Variants in TMEM260 observed in about 807,000 individuals in gnomAD.
TMEM260 encodes transmembrane protein 260.
In TMEM260, 82 loss-of-function variants were observed where a neutral mutation model predicts 88.9. The observed-to-expected ratio is 0.92, with a 90% CI of 0.77 to 1.11. TMEM260 has a LOEUF of 1.11. Among genes scored for constraint, TMEM260 ranks in the 50% least tolerant of loss-of-function variants. The pLI is 0.00. For missense variants in TMEM260, 902 were observed against 853.4 expected (o/e 1.06, Z -0.71); for synonymous variants, 314 against 309.3 (o/e 1.02, Z -0.16).
intron 6 of TMEM260, among the ~76,000 whole-genome samples, chr14:56,610,192 G>A (rs1887165930): frequency 6.6e-6 from 1 of 151,954 alleles, no homozygotes; most frequent in African/African-American, 2.4e-5. Context: ...GATACCTTAT[G>A]ATATTGATGA....
chr14:56,635,325 A>G (rs1181003342), intron 14 of TMEM260, among the ~76,000 whole-genome samples: 1 of 152,190 alleles, frequency 6.6e-6, no homozygotes, highest in Non-Finnish European at 1.5e-5. Flanking sequence ...CCTCGCCTCC[A>G]TTTGTAATGT....
At chr14:56,639,654 T>C (rs1033780688) in intron 15 of TMEM260, among the ~76,000 whole-genome samples, 3 of 152,078 alleles carry the variant, frequency 2.0e-5, no homozygotes, top group Admixed American at 6.6e-5. Flanking sequence ...GTGGGTGCAG[T>C]GCACCATGTG....
In TMEM260 at chr14:56,648,427, G is replaced by A. The variant is rs1890097654; in HGVS notation, c.*930G>A. The A allele has an allele frequency of 6.5e-6, 1 of 152,738 alleles. No individual in the cohort carries two copies. The highest frequency in any genetic ancestry group is 6.5e-5 in the Admixed American group (1 of 15,298). 9.5% of individuals were successfully genotyped at this position (152,738 alleles called of 1,614,324 possible). ...CTGTTTTAATGAATAAAGTCACTCA[G>A]AGTCCTTCAGCACTTCCTAAGTAGA... On this transcript the variant is annotated 3_prime_UTR_variant, in exon 16 of 16. Coordinates refer to ENST00000261556, the MANE Select transcript of TMEM260 (RefSeq NM_017799.4).
intron 13 of TMEM260, among the ~76,000 whole-genome samples, chr14:56,633,747 C>T (rs1167673703): frequency 1.3e-5 from 2 of 152,156 alleles, no homozygotes; most frequent in Non-Finnish European, 2.9e-5. Flanking sequence ...AAATGAGTCA[C>T]TATCTAGGCT....
chr14:56,640,037 C>T (rs961592187), intron 15 of TMEM260, among the ~76,000 whole-genome samples: 5 of 152,186 alleles, frequency 3.3e-5, no homozygotes, highest in African/African-American at 1.2e-4. Flanking sequence ...TGCGTGCCTT[C>T]CTGCCTGCCT....
intron 15 of TMEM260, among the ~76,000 whole-genome samples, chr14:56,640,798 T>C (rs1357812877): frequency 1.3e-5 from 2 of 151,824 alleles, no homozygotes; most frequent in Non-Finnish European, 1.5e-5. Context: ...AGAGAAGTCC[T>C]TAAAGGACCT....
intron 6 of TMEM260, among the ~76,000 whole-genome samples, chr14:56,611,028 G>A (rs1271945133): frequency 2.0e-5 from 3 of 146,624 alleles, no homozygotes; most frequent in African/African-American, 5.1e-5. Context: ...GTGCAGTGGC[G>A]TGATCTCGGC....
chr14:56,626,701 T>C (rs1888263162), intron 12 of TMEM260, among the ~76,000 whole-genome samples: 1 of 152,176 alleles, frequency 6.6e-6, no homozygotes, highest in Non-Finnish European at 1.5e-5. Context: ...ATTAATTCTG[T>C]TTGGGGACAT....
chr14:56,606,744 A>C (rs1016377539), intron 5 of TMEM260, among the ~76,000 whole-genome samples: 1 of 152,114 alleles, frequency 6.6e-6, no homozygotes, highest in African/African-American at 2.4e-5. Context: ...ATACAAAAAA[A>C]AGTAGCTGGG....
downstream of TMEM260, among the ~76,000 whole-genome samples, chr14:56,653,740 A>ACAAAAAAAAAAAAAAC (rs1566588629): frequency 1.6e-5 from 2 of 128,182 alleles, no homozygotes; most frequent in African/African-American, 5.3e-5. Context: ...TGTCTCCAAA[A>ACAAAAAAAAAAAAAAC]CAAAAAAAAA....
chr14:56,618,772 T>G lies in TMEM260; in HGVS notation c.1226+9T>G. On this transcript the variant is annotated intron_variant, in intron 10 of 15. Transcript: ENST00000261556. ...ATATATTCTAATTACAGGTAATACA[T>G]GGTTATTTTTATGAAAAGTAGCTGT... 2.5e-6 allele frequency: 4 copies of G among 1,610,970 alleles called. No homozygotes were observed. The highest frequency in any genetic ancestry group is 1.7e-4 in the Middle Eastern group (1 of 5,960).
At chr14:56,659,268 T>TG in the TMEM260 span, among the ~76,000 whole-genome samples, 3 of 151,844 alleles carry the variant, frequency 2.0e-5, no homozygotes, top group South Asian at 2.1e-4. Context: ...TTTGTTTTTT[T>TG]TTTTTTTTAG....
chr14:56,625,266 T>A (rs1421291435), intron 11 of TMEM260, 116 bp from the exon 12 acceptor site: 5 of 931,584 alleles, frequency 5.4e-6, no homozygotes, highest in Non-Finnish European at 8.1e-6. Flanking sequence ...ATTTTTCAAT[T>A]ATATATATAT....
chr14:56,597,898 A>G (rs76401197), intron 3 of TMEM260, among the ~76,000 whole-genome samples: 218 of 152,358 alleles, frequency 1.4e-3, no homozygotes, highest in African/African-American at 5.1e-3. Flanking sequence ...GAAAGTCACT[A>G]AGATAGAGAA....
intron 3 of TMEM260, among the ~76,000 whole-genome samples, chr14:56,592,839 A>G (rs949855374): frequency 6.6e-6 from 1 of 152,226 alleles, no homozygotes; most frequent in Non-Finnish European, 1.5e-5. Context: ...TACACTCAGT[A>G]TAGACGTAGG....
chr14:56,663,129 CA>C, the TMEM260 span, among the ~76,000 whole-genome samples: 3 of 149,848 alleles, frequency 2.0e-5, no homozygotes, highest in Admixed American at 6.6e-5. This position sits in a 1 kb window ranked among gnomAD's most constrained non-coding sequence, Gnocchi z 4.1. Flanking sequence ...AACTCTGTCT[CA>C]AAAAAAAAGC....
the TMEM260 span, among the ~76,000 whole-genome samples, chr14:56,656,997 G>A: frequency 6.6e-6 from 1 of 152,098 alleles, no homozygotes; most frequent in Non-Finnish European, 1.5e-5. Context: ...TGGCCCACCT[G>A]GAAGCAGGCA....
intron 5 of TMEM260, 127 bp from the exon 6 acceptor site, chr14:56,608,979 C>G: frequency 1.0e-6 from 1 of 978,948 alleles, no homozygotes; most frequent in Non-Finnish European, 1.5e-6. Context: ...TCTGTGGTGA[C>G]TTAATATAAA....
At chr14:56,636,654 A>G in intron 15 of TMEM260, 56 bp downstream of exon 15, 1 of 1,405,712 alleles carries the variant, frequency 7.1e-7, no homozygotes, top group Non-Finnish European at 1.0e-6. Context: ...GGTGATGGTG[A>G]TTGTTCAGAA....
Sources: gnomAD v4.1 joint callset for allele counts (sites outside exome capture counted in the v4.1 genomes callset) on GRCh38, gnomAD v4.1.1 for gene constraint, Gnocchi (gnomAD v3.1) non-coding constraint, MANE v1.5 for transcripts, NCBI Gene and HGNC (gene_info 2026-07-23, HGNC 2026-07-21) for gene names.